Variants in MTMR2 observed in about 807,000 individuals in gnomAD.
MTMR2 encodes phosphatidylinositol-3,5-bisphosphate 3-phosphatase MTMR2.
Under a neutral mutation model 86.9 loss-of-function variants are expected in MTMR2, and 55 were observed. The ratio of observed to expected loss-of-function variants is 0.63; its 90% confidence interval spans 0.51 to 0.79. The LOEUF (loss-of-function observed/expected upper bound fraction) is 0.79. Among genes scored for constraint, MTMR2 ranks in the 30% least tolerant of loss-of-function variants. The pLI, the probability that MTMR2 is intolerant of heterozygous loss-of-function variation, is 0.00. For synonymous variants in MTMR2, 241 were observed against 266.8 expected (o/e 0.90, Z 0.94); for missense variants, 659 against 772.3 (o/e 0.85, Z 1.74).
At chr11:95,873,995 G>A (rs1864997967) in intron 2 of MTMR2, among the ~76,000 whole-genome samples, 1 of 152,166 alleles carries the variant, frequency 6.6e-6, no homozygotes. Flanking sequence ...TACATTTGCT[G>A]AGGAGTGCTT....
chr11:95,892,168 A>C (rs547507400), intron 1 of MTMR2, among the ~76,000 whole-genome samples: 37 of 152,060 alleles, frequency 2.4e-4, no homozygotes, highest in African/African-American at 5.8e-4. Context: ...CAAGCTCTCT[A>C]TGTTTATTTT....
At chr11:95,885,124 C>A (rs1865470293) in intron 2 of MTMR2, among the ~76,000 whole-genome samples, 1 of 152,066 alleles carries the variant, frequency 6.6e-6, no homozygotes, top group African/African-American at 2.4e-5. Context: ...TTGACAGACT[C>A]CCTTTGTAAC....
rs757865509 is a variant in MTMR2 at position 95,862,067 on chromosome 11, C to G, written c.393G>C (p.Val131=). 6.8e-6 allele frequency: 11 copies of G among 1,613,750 alleles called. No homozygotes were observed. Among genetic ancestry groups the G allele is most frequent in the Non-Finnish European group, 8.5e-6 (10 of 1,179,914 alleles). The change falls in exon 5 of 15, where the codon GTG becomes GTC. Residue 131 remains valine, a synonymous_variant. Coordinates refer to ENST00000346299, the MANE Select transcript of MTMR2 (RefSeq NM_016156.6). ...CACCAATTTTTTCTACTCTATTTATCACACCAAGGGAAGCATCTAAAACAA... is the reference window on the plus strand; with the variant it reads ...CACCAATTTTTTCTACTCTATTTATGACACCAAGGGAAGCATCTAAAACAA... ...PPFVLDASLG[V]INRVEKIGGA... is the part of the protein sequence containing the mutation.
At chr11:95,891,449 CAAA>C (rs35505103) in intron 1 of MTMR2, among the ~76,000 whole-genome samples, 165 of 137,552 alleles carry the variant, frequency 1.2e-3, no homozygotes, top group Non-Finnish European at 1.5e-3. Context: ...AGACTCTCAC[CAAA>C]AAAAAAAAAG....
intron 1 of MTMR2, among the ~76,000 whole-genome samples, chr11:95,922,230 G>C (rs760924318): frequency 1.3e-5 from 2 of 152,208 alleles, no homozygotes; most frequent in African/African-American, 2.4e-5. Context: ...AGAGACTTCA[G>C]CATGGGAGCT....
chr11:95,915,270 T>C (rs554962229), intron 1 of MTMR2, among the ~76,000 whole-genome samples: 43 of 152,262 alleles, frequency 2.8e-4, no homozygotes, highest in Non-Finnish European at 5.9e-4. Context: ...TGCTAATGCA[T>C]AACCTCCAGA....
intron 7 of MTMR2, among the ~76,000 whole-genome samples, chr11:95,856,333 C>CT (rs11454567): frequency 0.43 from 62,920 of 145,190 alleles, 13,692 homozygotes; most frequent in Middle Eastern, 0.48. Flanking sequence ...TTACCACTTC[C>CT]TTTTTTTTTT....
intron 2 of MTMR2, among the ~76,000 whole-genome samples, chr11:95,868,356 G>A (rs1215832773): frequency 6.7e-6 from 1 of 149,954 alleles, no homozygotes; most frequent in Non-Finnish European, 1.5e-5. Flanking sequence ...AAGTCATAAG[G>A]AGAGAGACAC....
intron 1 of MTMR2, among the ~76,000 whole-genome samples, chr11:95,900,742 C>T (rs1156386989): frequency 6.6e-6 from 1 of 151,986 alleles, no homozygotes; most frequent in African/African-American, 2.4e-5. Context: ...CGCACACACA[C>T]TCACATGCAT....
rs1034718514 is a variant in MTMR2, at chr11:95,921,441, G to A, written c.80+2434C>T. ...TAATTTTGCTTTGTCAAAGGCTAATGAAACAAAAGAAATAACTTAAACAAT... is the reference window on the plus strand; with the variant it reads ...TAATTTTGCTTTGTCAAAGGCTAATAAAACAAAAGAAATAACTTAAACAAT... On this transcript the variant is annotated intron_variant, in intron 1 of 14. Transcript: ENST00000346299. Among the ~76,000 whole-genome samples the A allele has an allele frequency of 9.2e-5, 14 of 152,158 alleles. 1 individual carries two copies. The highest frequency in any genetic ancestry group is 3.2e-3 in the Middle Eastern group (1 of 314).
At chr11:95,868,362 G>C (rs1864715267) in intron 2 of MTMR2, among the ~76,000 whole-genome samples, 1 of 146,984 alleles carries the variant, frequency 6.8e-6, no homozygotes, top group Admixed American at 6.8e-5. Flanking sequence ...TAAGGAGAGA[G>C]ACACAATGAA....
At chr11:95,896,066 C>T (rs1865871486) in intron 1 of MTMR2, among the ~76,000 whole-genome samples, 1 of 152,022 alleles carries the variant, frequency 6.6e-6, no homozygotes, top group Non-Finnish European at 1.5e-5. Context: ...CCCTTGCTCT[C>T]CCCAGTTCAA....
chr11:95,915,762 A>T (rs1866674333), intron 1 of MTMR2, among the ~76,000 whole-genome samples: 1 of 152,126 alleles, frequency 6.6e-6, no homozygotes, highest in Non-Finnish European at 1.5e-5. Context: ...AATGGATGTC[A>T]AATTGGAAGT....
chr11:95,881,046 C>G (rs977823239), intron 2 of MTMR2, among the ~76,000 whole-genome samples: 1 of 151,828 alleles, frequency 6.6e-6, no homozygotes, highest in South Asian at 2.1e-4. Context: ...ATATTTTCTT[C>G]TAAAATTTTA....
intron 1 of MTMR2, chr11:95,923,626 T>C (rs1867015821): frequency 3.0e-6 from 4 of 1,355,786 alleles, no homozygotes; most frequent in African/African-American, 1.5e-5. Flanking sequence ...ACCACCTCCA[T>C]CGGGGAGAAA....
At chr11:95,893,356 G>C (rs1375243582) in intron 1 of MTMR2, among the ~76,000 whole-genome samples, 1 of 151,960 alleles carries the variant, frequency 6.6e-6, no homozygotes, top group Non-Finnish European at 1.5e-5. Context: ...TCTTTGACTA[G>C]ATGCCAACCC....
chr11:95,894,306 CAT>C lies in MTMR2; in HGVS notation c.81-6047_81-6046del, dbSNP rs891599143. On this transcript the variant is annotated intron_variant, in intron 1 of 14. Coordinates refer to ENST00000346299, the MANE Select transcript of MTMR2 (RefSeq NM_016156.6). ...ACTCACCTAAAAGCTCCTCTCCCCA[CAT>C]AGTTATTATTTACTATTTCAAGATT... Among the ~76,000 whole-genome samples, 14 of 152,306 alleles carry C rather than the reference CAT, an allele frequency of 9.2e-5. 1 individual carries two copies. The highest frequency in any genetic ancestry group is 4.1e-4 in the South Asian group (2 of 4,828).
chr11:95,899,005 CAGAGTAG>C (rs1332907066), intron 1 of MTMR2, among the ~76,000 whole-genome samples: 1 of 152,098 alleles, frequency 6.6e-6, no homozygotes, highest in African/African-American at 2.4e-5. Context: ...GTTTGGATTA[CAGAGTAG>C]AAAGTGCTGA....
chr11:95,894,067 T>A (rs1218917660), intron 1 of MTMR2, among the ~76,000 whole-genome samples: 1 of 152,170 alleles, frequency 6.6e-6, no homozygotes, highest in Non-Finnish European at 1.5e-5. Context: ...TTTTTACTCA[T>A]CTGGAACCAC....
Sources: allele counts gnomAD v4.1 joint callset (sites outside exome capture counted in the v4.1 genomes callset), GRCh38; gene constraint gnomAD v4.1.1; transcripts MANE v1.5; gene names NCBI Gene and HGNC (gene_info 2026-07-23, HGNC 2026-07-21).